Variants in EXOC6B observed in about 807,000 individuals in gnomAD.
EXOC6B encodes the protein SEC15 homolog B.
EXOC6B carries 54 observed loss-of-function variants against 113.5 expected under a neutral mutation model. The observed-to-expected ratio is 0.48, with a 90% CI of 0.38 to 0.60. EXOC6B has a LOEUF of 0.60. Ranked by LOEUF, EXOC6B falls within the 20% of genes least tolerant of loss-of-function variation. The probability of loss-of-function intolerance (pLI) is 0.00; values close to 1 mark genes in which losing one functional copy is unlikely to be tolerated. For synonymous variants in EXOC6B, 357 were observed against 339.0 expected (o/e 1.05, Z -0.58); for missense variants, 797 against 977.5 (o/e 0.82, Z 2.46).
intron 3 of EXOC6B, among the ~76,000 whole-genome samples, chr2:72,732,004 TTA>T (rs1224174417): frequency 6.6e-6 from 1 of 152,226 alleles, no homozygotes; most frequent in Non-Finnish European, 1.5e-5. Context: ...ATCATTTGTT[TTA>T]GTTTCCTCAT....
At chr2:72,583,871 C>T (rs1233124223) in intron 6 of EXOC6B, among the ~76,000 whole-genome samples, 1 of 152,082 alleles carries the variant, frequency 6.6e-6, no homozygotes, top group Non-Finnish European at 1.5e-5. Context: ...CAGGCGCACG[C>T]TACCATACCC....
At chr2:72,382,191 G>A (rs897677589) in intron 18 of EXOC6B, among the ~76,000 whole-genome samples, 2 of 152,108 alleles carry the variant, frequency 1.3e-5, no homozygotes, top group Non-Finnish European at 2.9e-5. Context: ...CCTAGGACAG[G>A]CACCTCCAAA....
intron 20 of EXOC6B, among the ~76,000 whole-genome samples, chr2:72,203,294 C>T (rs2104346938): frequency 6.6e-6 from 1 of 152,308 alleles, no homozygotes; most frequent in South Asian, 2.1e-4. Flanking sequence ...AGTATCATAG[C>T]CTATCTTAAA....
intron 20 of EXOC6B, among the ~76,000 whole-genome samples, chr2:72,249,933 A>G (rs1458637499): frequency 6.6e-6 from 1 of 152,208 alleles, no homozygotes; most frequent in Non-Finnish European, 1.5e-5. Flanking sequence ...TGTTTAGGTT[A>G]AACATAAGGG....
chr2:72,524,246 C>T (rs1701653071), intron 8 of EXOC6B, among the ~76,000 whole-genome samples: 2 of 151,612 alleles, frequency 1.3e-5, no homozygotes, highest in African/African-American at 2.4e-5. Context: ...TGATGTTCAG[C>T]GGGATATTAC....
At chr2:72,821,511 C>T (rs1686579995) in intron 1 of EXOC6B, among the ~76,000 whole-genome samples, 1 of 152,028 alleles carries the variant, frequency 6.6e-6, no homozygotes, top group Non-Finnish European at 1.5e-5. Flanking sequence ...TCTACAAAAA[C>T]TAGTATACAA....
intron 6 of EXOC6B, among the ~76,000 whole-genome samples, chr2:72,694,944 G>C (rs1396982705): frequency 6.6e-6 from 1 of 152,154 alleles, no homozygotes; most frequent in African/African-American, 2.4e-5. Flanking sequence ...ATATGCACCA[G>C]ATTCAAGGCT....
chr2:72,544,082 G>A (rs1340456789), intron 8 of EXOC6B, among the ~76,000 whole-genome samples: 1 of 152,164 alleles, frequency 6.6e-6, no homozygotes, highest in Non-Finnish European at 1.5e-5. Flanking sequence ...TTTAGATGTT[G>A]TGAAATAGCA....
chr2:72,379,642 G>C (rs896724821), intron 19 of EXOC6B, 87 bp downstream of exon 19: 1 of 1,340,680 alleles, frequency 7.5e-7, no homozygotes, highest in Non-Finnish European at 1.0e-6. Flanking sequence ...TAGGAACAAG[G>C]ACCCTAAACA....
chr2:72,352,637 A>G (rs1468800007), intron 19 of EXOC6B, among the ~76,000 whole-genome samples: 1 of 152,024 alleles, frequency 6.6e-6, no homozygotes, highest in East Asian at 1.9e-4. Context: ...AGAATCTGTT[A>G]AATGTTGGCA....
At position 72,194,416 on chromosome 2, in the gene EXOC6B, G is replaced by T. The variant is rs1679031392; in HGVS notation, c.2197-10229C>A. Among the ~76,000 whole-genome samples, 3 of 152,108 alleles carry T rather than the reference G, an allele frequency of 2.0e-5. No individual in the cohort carries two copies. In the South Asian group the frequency reaches 6.2e-4, roughly 32 times the overall value. ...AATCCTTCATGGTATTGTGGTTCCAGACAACTTTGGAGACCTGGGGAATCT... is the reference window on the plus strand; with the variant it reads ...AATCCTTCATGGTATTGTGGTTCCATACAACTTTGGAGACCTGGGGAATCT... On this transcript the variant is annotated intron_variant, in intron 20 of 21. Coordinates refer to ENST00000272427, the MANE Select transcript of EXOC6B (RefSeq NM_015189.3).
intron 17 of EXOC6B, among the ~76,000 whole-genome samples, chr2:72,476,024 G>A (rs1698717655): frequency 6.6e-6 from 1 of 152,194 alleles, no homozygotes. Flanking sequence ...TTGGAGTCAG[G>A]GCTCTAAGAT....
intron 7 of EXOC6B, among the ~76,000 whole-genome samples, chr2:72,565,349 TA>T (rs10672375): frequency 0.044 from 1,978 of 45,094 alleles, 11 homozygotes; most frequent in Non-Finnish European, 0.06. Flanking sequence ...AGACCCTGTC[TA>T]AAAAAAAAAA....
intron 16 of EXOC6B, among the ~76,000 whole-genome samples, chr2:72,488,028 C>T (rs967622113): frequency 2.0e-5 from 3 of 152,202 alleles, no homozygotes; most frequent in Non-Finnish European, 4.4e-5. Flanking sequence ...GAGCCATTCT[C>T]TTTAAAACCT....
At position 72,231,249 on chromosome 2, in the gene EXOC6B, T is replaced by C. The variant is rs368010239; in HGVS notation, c.2197-47062A>G. On this transcript the variant is annotated intron_variant, in intron 20 of 21. Transcript: ENST00000272427. ...GACCTGATTGCCAAATCTGGGGAAA[T>C]AGATTAGTCAACAAGAGTGCTGGGA... Among the ~76,000 whole-genome samples, 83 of 152,226 alleles carry C rather than the reference T, an allele frequency of 5.5e-4. 3 individuals carry two copies. The South Asian group carries it at 0.016, about 30-fold the overall frequency.
chr2:72,323,011 G>A (rs1256947527), intron 20 of EXOC6B, among the ~76,000 whole-genome samples: 1 of 152,152 alleles, frequency 6.6e-6, no homozygotes, highest in African/African-American at 2.4e-5. Flanking sequence ...AAACTAAAGA[G>A]CTTCTGCACA....
At chr2:72,487,955 C>T (rs1699526154) in intron 16 of EXOC6B, among the ~76,000 whole-genome samples, 1 of 152,196 alleles carries the variant, frequency 6.6e-6, no homozygotes, top group Admixed American at 6.5e-5. Context: ...ACTAAGCACA[C>T]TTCACAATCA....
chr2:72,253,312 A>C (rs1683141539), intron 20 of EXOC6B, among the ~76,000 whole-genome samples: 1 of 152,204 alleles, frequency 6.6e-6, no homozygotes, highest in Non-Finnish European at 1.5e-5. Context: ...CTTAAAACAG[A>C]ATTACCATTA....
intron 6 of EXOC6B, among the ~76,000 whole-genome samples, chr2:72,657,562 C>CCTTTTT (rs1674678141): frequency 2.4e-5 from 1 of 41,908 alleles, no homozygotes; most frequent in African/African-American, 1.2e-4. Context: ...TTCCTCTTTC[C>CCTTTTT]TTTTCTTTTT....
Sources: allele counts gnomAD v4.1 joint callset (sites outside exome capture counted in the v4.1 genomes callset), GRCh38; gene constraint gnomAD v4.1.1; transcripts MANE v1.5; gene names NCBI Gene and HGNC (gene_info 2026-07-23, HGNC 2026-07-21).